The following SMYD3 variants were observed in gnomAD, a reference collection of about 807,000 sequenced individuals.
SMYD3 encodes the protein histone-lysine N-methyltransferase SMYD3.
SMYD3 carries 36 observed loss-of-function variants against 57.7 expected under a neutral mutation model. The observed-to-expected ratio is 0.62, with a 90% CI of 0.48 to 0.82. The LOEUF (loss-of-function observed/expected upper bound fraction) is 0.82, where lower values mean the gene tolerates loss of function less well. Ranked by LOEUF, SMYD3 falls within the 40% of genes least tolerant of loss-of-function variation. The pLI is 0.00. For missense variants in SMYD3, 515 were observed against 538.8 expected (o/e 0.96, Z 0.44); for synonymous variants, 211 against 195.0 (o/e 1.08, Z -0.68).
chr1:246,147,673 G>A (rs1329283574), intron 5 of SMYD3, among the ~76,000 whole-genome samples: 1 of 151,918 alleles, frequency 6.6e-6, no homozygotes, highest in East Asian at 1.9e-4. Context: ...AACTGATGCT[G>A]GAGATCGGAG....
intron 5 of SMYD3, among the ~76,000 whole-genome samples, chr1:246,139,880 G>A (rs756494758): frequency 1.3e-5 from 2 of 152,122 alleles, no homozygotes; most frequent in African/African-American, 2.4e-5. Context: ...TGGATAGTCC[G>A]CACAAAGATA....
intron 8 of SMYD3, among the ~76,000 whole-genome samples, chr1:245,914,734 AAG>A (rs1186018518): frequency 6.6e-6 from 1 of 152,186 alleles, no homozygotes; most frequent in African/African-American, 2.4e-5. Context: ...AAAACGCTAA[AAG>A]AGGATTTTGA....
intron 9 of SMYD3, among the ~76,000 whole-genome samples, chr1:245,863,417 G>A (rs1344530730): frequency 2.0e-5 from 3 of 152,108 alleles, no homozygotes; most frequent in Non-Finnish European, 1.5e-5. Context: ...TGGGTCTGAC[G>A]GTCAATGGCA....
chr1:246,216,290 A>AAAAAG (rs2063162492), intron 5 of SMYD3, among the ~76,000 whole-genome samples: 1 of 150,778 alleles, frequency 6.6e-6, no homozygotes, highest in African/African-American at 2.4e-5. Context: ...CCATTTCAAA[A>AAAAAG]AAAAAAAAAA....
chr1:245,848,734 C>T (rs1245061598), intron 10 of SMYD3, among the ~76,000 whole-genome samples: 1 of 152,078 alleles, frequency 6.6e-6, no homozygotes, highest in Non-Finnish European at 1.5e-5. Flanking sequence ...TTCTTATGTC[C>T]TGGCCTGGGT....
Position 246,390,428 on chromosome 1 carries a change from G to A in SMYD3, c.165-35334C>T, listed in dbSNP as rs148667094. ...GACAAAAATAGCACAATGCAGAATGGGGAGGGATGAAGCTGTATGGGAACA... is the reference window on the plus strand; with the variant it reads ...GACAAAAATAGCACAATGCAGAATGAGGAGGGATGAAGCTGTATGGGAACA... On this transcript the variant is annotated intron_variant, in intron 1 of 11. Transcript: ENST00000490107. 4.5e-4 allele frequency among the ~76,000 whole-genome samples: 69 copies of A among 151,972 alleles called. 1 individual carries two copies. The East Asian group carries it at 0.011, about 24-fold the overall frequency.
intron 5 of SMYD3, among the ~76,000 whole-genome samples, chr1:246,059,934 C>A (rs530104188): frequency 6.6e-6 from 1 of 152,180 alleles, no homozygotes; most frequent in African/African-American, 2.4e-5. Flanking sequence ...GTTACAATTT[C>A]AAATTCGACA....
chr1:245,806,572 T>A (rs963838283), intron 10 of SMYD3, among the ~76,000 whole-genome samples: 18 of 152,156 alleles, frequency 1.2e-4, no homozygotes, highest in African/African-American at 4.3e-4. Flanking sequence ...CCTTGCCAAC[T>A]TGGGATACGT....
chr1:246,240,569 TAA>T (rs1169755405), intron 5 of SMYD3, among the ~76,000 whole-genome samples: 8,132 of 150,656 alleles, frequency 0.054, 358 homozygotes, highest in African/African-American at 0.11. Flanking sequence ...GTCTTGGCAA[TAA>T]GGGCTCTTTT....
intron 8 of SMYD3, among the ~76,000 whole-genome samples, chr1:245,869,307 G>C (rs956343951): frequency 6.6e-6 from 1 of 152,204 alleles, no homozygotes; most frequent in Non-Finnish European, 1.5e-5. Flanking sequence ...GGAAATGATC[G>C]AGAGAATGAA....
chr1:246,127,667 G>A (rs1558252718), intron 5 of SMYD3, among the ~76,000 whole-genome samples: 1 of 152,056 alleles, frequency 6.6e-6, no homozygotes, highest in Non-Finnish European at 1.5e-5. Flanking sequence ...GGGCTGAGGC[G>A]GGTGGATCAC....
At chr1:246,399,874 T>C (rs992853351) in intron 1 of SMYD3, among the ~76,000 whole-genome samples, 1 of 152,214 alleles carries the variant, frequency 6.6e-6, no homozygotes, top group African/African-American at 2.4e-5. Context: ...AATTCAAGCA[T>C]AGAAATTGAG....
intron 1 of SMYD3, among the ~76,000 whole-genome samples, chr1:246,414,651 A>C (rs2067029110): frequency 6.6e-6 from 1 of 152,152 alleles, no homozygotes; most frequent in Non-Finnish European, 1.5e-5. Context: ...ATATGTAAAA[A>C]TAAATGTACA....
chr1:246,498,313 G>A (rs2068396188), intron 1 of SMYD3, among the ~76,000 whole-genome samples: 1 of 152,166 alleles, frequency 6.6e-6, no homozygotes, highest in Admixed American at 6.5e-5. Flanking sequence ...AAAGTACAGT[G>A]GATACATAAA....
chr1:246,240,355 C>T (rs2063587295), intron 5 of SMYD3, among the ~76,000 whole-genome samples: 1 of 152,064 alleles, frequency 6.6e-6, no homozygotes, highest in Non-Finnish European at 1.5e-5. Flanking sequence ...GGAATCTTTC[C>T]CCCATTTCTT....
intron 10 of SMYD3, among the ~76,000 whole-genome samples, chr1:245,765,640 T>C (rs532457536): frequency 3.0e-4 from 46 of 152,174 alleles, no homozygotes; most frequent in African/African-American, 1.0e-3. Context: ...GGTGGGAAAT[T>C]GGACTTACAC....
chr1:246,500,843 T>C (rs930075311), intron 1 of SMYD3, among the ~76,000 whole-genome samples: 1 of 152,190 alleles, frequency 6.6e-6, no homozygotes, highest in Non-Finnish European at 1.5e-5. Context: ...CCAAATGTTT[T>C]CACCAGGGCT....
At chr1:246,252,902 T>C (rs925560167) in intron 5 of SMYD3, among the ~76,000 whole-genome samples, 1 of 152,184 alleles carries the variant, frequency 6.6e-6, no homozygotes, top group African/African-American at 2.4e-5. Flanking sequence ...AAACAGATAA[T>C]ATTTTCTTCA....
chr1:246,050,022 G>A (rs948144723), intron 5 of SMYD3, among the ~76,000 whole-genome samples: 3 of 152,214 alleles, frequency 2.0e-5, no homozygotes, highest in Non-Finnish European at 2.9e-5. Flanking sequence ...GTATTAGTCT[G>A]AAAGCAACTA....
Sources: allele counts gnomAD v4.1 joint callset (sites outside exome capture counted in the v4.1 genomes callset), GRCh38; gene constraint gnomAD v4.1.1; transcripts MANE v1.5; gene names NCBI Gene and HGNC (gene_info 2026-07-23, HGNC 2026-07-21).